TTN: variants seen among roughly 807,000 people sequenced by gnomAD.
TTN encodes the protein titin, also known as connectin.
Under a neutral mutation model 3,223.0 loss-of-function variants are expected in TTN, and 1,525 were observed. The ratio of observed to expected loss-of-function variants is 0.47; its 90% CI spans 0.45 to 0.49. The LOEUF (loss-of-function observed/expected upper bound fraction) is 0.49, where lower values mean the gene tolerates loss of function less well. TTN is among the 20% of genes least tolerant of loss of function. The pLI is 0.00. For synonymous variants in TTN, 14,094 were observed against 15,161.0 expected (o/e 0.93, Z 5.17); for missense variants, 40,786 against 43,424.0 (o/e 0.94, Z 5.40).
intron 47 of TTN, chr2:178,750,966 C>T (rs1311817969): frequency 6.8e-6 from 11 of 1,612,772 alleles, no homozygotes; most frequent in Non-Finnish European, 8.5e-6. Context: ...TTTACCAGTG[C>T]TTCTTGGCTC....
chr2:178,587,189 G>A lies in TTN; in HGVS notation c.64022C>T (p.Thr21341Ile). 6.2e-7 allele frequency: 1 copy of A among 1,613,314 alleles called. No homozygotes were observed. The highest frequency in any genetic ancestry group is 1.1e-5 in the South Asian group (1 of 91,072). The change falls in exon 307 of 363, where the codon ACT becomes ATT. Residue 21341 changes from threonine (T) to isoleucine (I), a missense_variant. Thr to Ile is a moderately conservative substitution (Grantham distance 89, BLOSUM62 -1). Coordinates refer to ENST00000589042, the MANE Select transcript of TTN (RefSeq NM_001267550.2). The part of the protein sequence containing the change: ...VPGNEYYFRV[T>I]AVNEYGPGVP... The stretch of plus-strand genomic sequence containing the variant: ...GCCAGGGCCATATTCGTTGACAGCA[G>A]TTACTCTGAAGTAATACTCATTCCC...
intron 304 of TTN, among the ~76,000 whole-genome samples, 151 bp from the exon 305 acceptor site, chr2:178,588,370 A>G (rs2049490433): frequency 6.6e-6 from 1 of 152,002 alleles, no homozygotes; most frequent in African/African-American, 2.4e-5. Context: ...AGAATCTACT[A>G]TTGTTTGTAC....
Position 178,583,759 on chromosome 2 carries a change from T to C in TTN, c.65423A>G (p.Asn21808Ser), listed in dbSNP as rs777905598. 1 of 1,611,850 alleles carries C rather than the reference T, an allele frequency of 6.2e-7. No homozygotes were observed. Among genetic ancestry groups the C allele is most frequent in the Non-Finnish European group, 8.5e-7 (1 of 1,178,928 alleles). ...CTGGGGAATCTGGTGAGGTGCAGTATTGCACCGTACCCATTTATCACCAGG... is the reference window on the plus strand; with the variant it reads ...CTGGGGAATCTGGTGAGGTGCAGTACTGCACCGTACCCATTTATCACCAGG... ...KLPGDKWVRC[N>S]TAPHQIPQEE... Residue 21808 changes from asparagine to serine, a missense_variant, in exon 312 of 363, where the codon AAT becomes AGT. Asn to Ser is a conservative substitution (Grantham distance 46, BLOSUM62 1). Coordinates refer to ENST00000589042, the MANE Select transcript of TTN (RefSeq NM_001267550.2).
In TTN at chr2:178,593,172, C is replaced by A; in HGVS notation, c.59035+1G>T. ...ACTGAATAAATCCATTAATACTATA[C>A]CAATTGGATCTTTAGCAAAGACTGG... On this transcript the variant is annotated splice_donor_variant, in intron 299 of 362. Transcript: ENST00000589042. LOFTEE classifies it high-confidence loss of function. 1 of 1,612,932 alleles carries A rather than the reference C, an allele frequency of 6.2e-7. No homozygotes were observed. Among genetic ancestry groups the A allele is most frequent in the Non-Finnish European group, 8.5e-7 (1 of 1,179,430 alleles).
rs558055454 is a variant in TTN, at chr2:178,781,045, T to G, written c.3523+76A>C. On this transcript the variant is annotated intron_variant, in intron 21 of 362. Transcript: ENST00000589042. The stretch of plus-strand genomic sequence containing the variant: ...GAACCAGTAAGTGGCAACAGGTTTT[T>G]CAGCAAACGGACAGCACTGCTATCT... 214 of 1,603,018 alleles carry G rather than the reference T, an allele frequency of 1.3e-4. No individual in the cohort carries two copies. The South Asian group carries it at 2.3e-3, about 17-fold the overall frequency.
Position 178,728,608 on chromosome 2 carries a change from C to T in TTN, c.19318G>A (p.Ala6440Thr), listed in dbSNP as rs1484285596. 4 of 1,613,216 alleles carry T rather than the reference C, an allele frequency of 2.5e-6. No individual in the cohort carries two copies. Among genetic ancestry groups the T allele is most frequent in the Non-Finnish European group, 3.4e-6 (4 of 1,179,532 alleles). ...YFSMSFENNV[A>T]SFRIQSVMKQ... ...ATTACTGACTGAATTCTAAAACTGG[C>T]CACGTTATTTTCAAAACTCATTGAA... Residue 6440 changes from alanine to threonine, a missense_variant, in exon 66 of 363, where the codon GCC becomes ACC. Ala to Thr is a moderately conservative substitution (Grantham distance 58). Transcript: ENST00000589042.
At chr2:178,528,457 T>C (rs1433224103) in intron 360 of TTN, 30 bp from the exon 361 acceptor site, 3 of 1,606,964 alleles carry the variant, frequency 1.9e-6, no homozygotes, top group Non-Finnish European at 2.5e-6. Context: ...AAAGAAATGT[T>C]GAAGTTCTTC....
At chr2:178,774,630 T>C in intron 29 of TTN, 157 bp from the exon 30 acceptor site, 1 of 713,902 alleles carries the variant, frequency 1.4e-6, no homozygotes. Context: ...AAATTTTCAA[T>C]AAGAAGCAGT....
intron 15 of TTN, among the ~76,000 whole-genome samples, chr2:178,784,896 A>G (rs1479169615): frequency 6.6e-6 from 1 of 152,220 alleles, no homozygotes; most frequent in Non-Finnish European, 1.5e-5. Flanking sequence ...TTTGGGACTA[A>G]ATCAAATATA....
chr2:178,550,007 C>T lies in TTN; in HGVS notation c.91831G>A (p.Glu30611Lys), dbSNP rs769702560. Residue 30611 changes from glutamate to lysine, a missense_variant, in exon 337 of 363, where the codon GAA becomes AAA. Coordinates refer to ENST00000589042, the MANE Select transcript of TTN (RefSeq NM_001267550.2). The part of the protein sequence containing the change: ...AKNASGSAKA[E>K]IKVKVQDTPG... Reference sequence around the variant, plus strand: ...GTACCTTGTACTTTCACTTTAATTTCTGCTTTTGCAGAACCAGATGCATTT... The same window carrying T: ...GTACCTTGTACTTTCACTTTAATTTTTGCTTTTGCAGAACCAGATGCATTT... 1.2e-6 allele frequency: 2 copies of T among 1,608,440 alleles called. No homozygotes were observed. The highest frequency in any genetic ancestry group is 2.2e-5 in the South Asian group (2 of 90,496).
In TTN at chr2:178,649,904, T is replaced by C; in HGVS notation, c.39818-10A>G. 1 of 1,598,532 alleles carries C rather than the reference T, an allele frequency of 6.3e-7. No homozygotes were observed. The highest frequency in any genetic ancestry group is 8.5e-7 in the Non-Finnish European group (1 of 1,175,998). On this transcript the variant is annotated splice_polypyrimidine_tract_variant and intron_variant, in intron 210 of 362. Transcript: ENST00000589042. ...TTGGGCTCTTCAGGCACTTGAATAA[T>C]AGGAATTTCTTTTAGAATTAGGTGA...
At position 178,560,916 on chromosome 2, in the gene TTN, T is replaced by C. The variant is rs1703410550; in HGVS notation, c.85216A>G (p.Ile28406Val). ...AAAGTATGATTGTCTGTTGAGATGATTTCTGTTCTTGCTCTTTCTTCAATT... is the reference window on the plus strand; with the variant it reads ...AAAGTATGATTGTCTGTTGAGATGACTTCTGTTCTTGCTCTTTCTTCAATT... Reference protein sequence around the residue: ...IEIEERARTEIISTDNHTLLT... With the variant: ...IEIEERARTEVISTDNHTLLT... Residue 28406 changes from isoleucine (I) to valine (V), a missense_variant, in exon 326 of 363, where the codon ATC (isoleucine) becomes GTC (valine). Physicochemically the swap from Ile to Val is conservative, Grantham distance 29 (BLOSUM62 3). Transcript: ENST00000589042. The C allele has an allele frequency of 1.2e-6, 2 of 1,613,814 alleles. No homozygotes were observed. Among genetic ancestry groups the C allele is most frequent in the Admixed American group, 3.3e-5 (2 of 59,992 alleles).
Position 178,652,478 on chromosome 2 carries a change from G to A in TTN, c.39107C>T (p.Pro13036Leu), listed in dbSNP as rs2063202824. The part of the protein sequence containing the change: ...KKVPAAPPKK[P>L]EVTPVKVPEA... ...AATACCTTTAACAGGTGTGACTTCA[G>A]GCTTTTTAGGAGGAGCCGCTGGCAC... The change falls in exon 202 of 363, where the codon CCT becomes CTT. Residue 13036 changes from proline (P) to leucine (L), a missense_variant. Coordinates refer to ENST00000589042, the MANE Select transcript of TTN (RefSeq NM_001267550.2). 6 of 1,613,624 alleles carry A rather than the reference G, an allele frequency of 3.7e-6. No homozygotes were observed. Among genetic ancestry groups the A allele is most frequent in the Non-Finnish European group, 5.1e-6 (6 of 1,179,646 alleles).
In TTN at chr2:178,776,609, C is replaced by T. The variant is rs150737838; in HGVS notation, c.5255G>A (p.Arg1752His). Residue 1752 changes from arginine to histidine, a missense_variant, in exon 28 of 363, where the codon CGT becomes CAT. Physicochemically the swap from Arg to His is conservative, Grantham distance 29 (BLOSUM62 0). Coordinates refer to ENST00000589042, the MANE Select transcript of TTN (RefSeq NM_001267550.2). ...GCAGTACCCAAATTCATTGATCATA[C>T]GGAGCCTGTTGGCTGCTTCAAGTGG... Reference protein sequence around the residue: ...GKPLEAANRLRMINEFGYCSL... With the variant: ...GKPLEAANRLHMINEFGYCSL... 72 of 1,614,052 alleles carry T rather than the reference C, an allele frequency of 4.5e-5. No individual in the cohort carries two copies. The Admixed American group carries it at 7.8e-4, about 18-fold the overall frequency.
intron 210 of TTN, 101 bp downstream of exon 210, chr2:178,650,063 A>G: frequency 7.6e-7 from 1 of 1,312,428 alleles, no homozygotes; most frequent in Non-Finnish European, 1.1e-6. Context: ...GTCAGATTTC[A>G]GGCAACAAGA....
At chr2:178,642,468 A>G (rs1347048112) in intron 218 of TTN, among the ~76,000 whole-genome samples, 151 bp from the exon 219 acceptor site, 1 of 152,008 alleles carries the variant, frequency 6.6e-6, no homozygotes, top group East Asian at 1.9e-4. Context: ...AGTTTAAATG[A>G]TACATTTCAA....
Position 178,653,910 on chromosome 2 carries a change from T to C in TTN, c.38465-13A>G, listed in dbSNP as rs1242404296. 1 of 1,588,146 alleles carries C rather than the reference T, an allele frequency of 6.3e-7. No individual in the cohort carries two copies. The highest frequency in any genetic ancestry group is 8.5e-7 in the Non-Finnish European group (1 of 1,174,226). ...GGAACTTCTGGCACTTGAAAGATAT[T>C]AGTAGTTTTATACTTAGGTTAATGA... On this transcript the variant is annotated splice_polypyrimidine_tract_variant and intron_variant, in intron 194 of 362. Transcript: ENST00000589042.
In TTN at chr2:178,543,988, G is replaced by A. The variant is rs759321220; in HGVS notation, c.96156C>T (p.Gly32052=). The change falls in exon 346 of 363, where the codon GGC becomes GGT. Residue 32052 remains glycine (G), a synonymous_variant. Coordinates refer to ENST00000589042, the MANE Select transcript of TTN (RefSeq NM_001267550.2). ...TAATTGCCCGGCTTGCAAGGTCAATGCCCTGCTTGCTCCACGTTATGACAG... is the reference window on the plus strand; with the variant it reads ...TAATTGCCCGGCTTGCAAGGTCAATACCCTGCTTGCTCCACGTTATGACAG... The part of the protein sequence containing the change: ...PPPVITWSKQ[G]IDLASRAIID... 1 of 1,613,654 alleles carries A rather than the reference G, an allele frequency of 6.2e-7. No individual in the cohort carries two copies. Among genetic ancestry groups the A allele is most frequent in the Admixed American group, 1.7e-5 (1 of 60,002 alleles).
In TTN at chr2:178,778,031, C is replaced by A. The variant is rs2092411878; in HGVS notation, c.4209-56G>T. The A allele has an allele frequency of 1.9e-6, 3 of 1,580,616 alleles. No homozygotes were observed. The South Asian group carries it at 3.4e-5, about 18-fold the overall frequency. ...GAGGCATAAAGAAAACTCAGCAAAA[C>A]AAACTTCATTTTGTCTTATTCATTA... On this transcript the variant is annotated intron_variant, in intron 24 of 362. Transcript: ENST00000589042.
Sources: gnomAD v4.1 joint callset for allele counts (sites outside exome capture counted in the v4.1 genomes callset) on GRCh38, gnomAD v4.1.1 for gene constraint, MANE v1.5 for transcripts, NCBI Gene and HGNC (gene_info 2026-07-23, HGNC 2026-07-21) for gene names.